The following APBB1 variants were observed in gnomAD, a reference collection of about 807,000 sequenced individuals.
APBB1 encodes adaptor protein FE65a2.
APBB1 carries 22 observed loss-of-function variants against 78.4 expected under a neutral mutation model. The ratio of observed to expected loss-of-function variants is 0.28; its 90% CI spans 0.20 to 0.40. The LOEUF (loss-of-function observed/expected upper bound fraction) is 0.40, where lower values mean the gene tolerates loss of function less well. APBB1 is among the 10% of genes least tolerant of loss of function. The pLI, the probability that APBB1 is intolerant of heterozygous loss-of-function variation, is 1.00. For missense variants in APBB1, 749 were observed against 932.4 expected (o/e 0.80, Z 2.56); for synonymous variants, 369 against 372.7 (o/e 0.99, Z 0.12).
At chr11:6,408,905 C>G (rs1328441439) in intron 2 of APBB1, among the ~76,000 whole-genome samples, 3 of 152,170 alleles carry the variant, frequency 2.0e-5, no homozygotes, top group African/African-American at 7.2e-5. Flanking sequence ...TTTCAAAATG[C>G]TGGGATTACA....
chr11:6,413,123 C>T (rs1012805123), intron 1 of APBB1, among the ~76,000 whole-genome samples: 9 of 152,040 alleles, frequency 5.9e-5, no homozygotes, highest in Non-Finnish European at 7.4e-5. Context: ...TCACCAGCCC[C>T]CGATTTCAGT....
In APBB1 at chr11:6,410,991, C is replaced by T. The variant is rs1398373693; in HGVS notation, c.357G>A (p.Glu119=). 1 of 1,614,088 alleles carries T rather than the reference C, an allele frequency of 6.2e-7. No homozygotes were observed. Among genetic ancestry groups the T allele is most frequent in the East Asian group, 2.2e-5 (1 of 44,894 alleles). Residue 119 remains glutamate (E), a synonymous_variant, in exon 2 of 15, where the codon GAG becomes GAA. Coordinates refer to ENST00000609360, the MANE Select transcript of APBB1 (RefSeq NM_001164.5). ...GPKGLIHLYS[E]LELSAHNAAN... is the part of the protein sequence containing the mutation. ...CTGCGTTGTGAGCTGAGAGCTCCAG[C>T]TCAGAGTACAGGTGTATCAGGCCTT...
intron 2 of APBB1, chr11:6,405,204 T>A: frequency 9.1e-7 from 1 of 1,096,840 alleles, no homozygotes; most frequent in East Asian, 6.4e-5. Flanking sequence ...CCCAGCTGCC[T>A]GGGGCCCTGC....
At position 6,401,059 on chromosome 11, in the gene APBB1, C is replaced by T. The variant is rs748954442; in HGVS notation, c.1602G>A (p.Ala534=). 146 of 1,613,982 alleles carry T rather than the reference C, an allele frequency of 9.0e-5. No homozygotes were observed. The highest frequency in any genetic ancestry group is 1.1e-4 in the Non-Finnish European group (125 of 1,180,026). ...VDVPFQVEFP[A]PKNELVQKFQ... is the part of the protein sequence containing the mutation. ...ACTTCTGGACCAACTCATTCTTAGG[C>T]GCTGGGAATTCCACTATGGGAAAGA... is the stretch of plus-strand genomic sequence containing the variant. Residue 534 remains alanine, a synonymous_variant, in exon 12 of 15, where the codon GCG becomes GCA. Coordinates refer to ENST00000609360, the MANE Select transcript of APBB1 (RefSeq NM_001164.5). The surrounding 1 kb of genome is among the most constrained non-coding windows in gnomAD (Gnocchi z 4.5).
At chr11:6,413,671 A>G (rs1849040674) in intron 1 of APBB1, among the ~76,000 whole-genome samples, 1 of 150,626 alleles carries the variant, frequency 6.6e-6, no homozygotes, top group Non-Finnish European at 1.5e-5. Flanking sequence ...GGGTTTCACC[A>G]TGTTGGCCAG....
At chr11:6,396,442 C>T (rs1175008536) in intron 12 of APBB1, 8 of 504,624 alleles carry the variant, frequency 1.6e-5, no homozygotes, top group African/African-American at 4.0e-5. Flanking sequence ...ATCCTAGGCT[C>T]GTTATTTTCA....
chr11:6,401,342 G>A lies in APBB1; in HGVS notation c.1588+3C>T. ...CTGGACCTGGAGGGGTTTTGACACT[G>A]ACCTTGGAAAGGGACATCCACAAGT... On this transcript the variant is annotated splice_donor_region_variant and intron_variant, in intron 11 of 14. Coordinates refer to ENST00000609360, the MANE Select transcript of APBB1 (RefSeq NM_001164.5). The surrounding 1 kb of genome is among the most constrained non-coding windows in gnomAD (Gnocchi z 4.5). The A allele has an allele frequency of 1.2e-6, 2 of 1,614,144 alleles. No individual in the cohort carries two copies. The highest frequency in any genetic ancestry group is 2.2e-5 in the South Asian group (2 of 91,066).
Position 6,403,504 on chromosome 11 carries a change from T to A in APBB1, c.938A>T (p.Asp313Val), listed in dbSNP as rs985220934. The A allele has an allele frequency of 1.8e-5, 29 of 1,614,038 alleles. No homozygotes were observed. Among genetic ancestry groups the A allele is most frequent in the Non-Finnish European group, 2.4e-5 (28 of 1,180,020 alleles). ...CTTACCCACCTTCCAAAATTCTCCATCCTCAAAGCCTTCTCCATGAGCAAA... is the reference window on the plus strand; with the variant it reads ...CTTACCCACCTTCCAAAATTCTCCAACCTCAAAGCCTTCTCCATGAGCAAA... ...TGFAHGEGFE[D>V]GEFWKDEPSD... is the part of the protein sequence containing the mutation. Residue 313 changes from aspartate (D) to valine (V), a missense_variant, in exon 4 of 15, where the codon GAT (aspartate) becomes GTT (valine). Transcript: ENST00000609360. This position sits in a 1 kb window ranked among gnomAD's most constrained non-coding sequence, Gnocchi z 5.3.
At chr11:6,396,453 C>T (rs150853796) in intron 12 of APBB1, 131 of 490,554 alleles carry the variant, frequency 2.7e-4, no homozygotes, top group African/African-American at 1.5e-3. Flanking sequence ...GTTATTTTCA[C>T]CGGCTCTGCC....
intron 12 of APBB1, among the ~76,000 whole-genome samples, chr11:6,397,704 T>C (rs539268841): frequency 1.3e-5 from 2 of 152,336 alleles, no homozygotes; most frequent in South Asian, 4.1e-4. Flanking sequence ...TAACGTCTTG[T>C]AACTGCTGGA....
intron 2 of APBB1, among the ~76,000 whole-genome samples, chr11:6,407,666 G>C (rs956593345): frequency 1.3e-5 from 2 of 152,150 alleles, no homozygotes; most frequent in South Asian, 2.1e-4. Context: ...TAATCAGCTG[G>C]AGTGCAGGAG....
In APBB1 at chr11:6,395,974, G is replaced by C; in HGVS notation, c.1789-12C>G. The C allele has an allele frequency of 6.2e-7, 1 of 1,612,252 alleles. No homozygotes were observed. The highest frequency in any genetic ancestry group is 8.5e-7 in the Non-Finnish European group (1 of 1,178,798). ...AGCACTGCCTCTGTCTGCATGGAGG[G>C]AACTCAGTTAAAAAGGAACACCAAC... is the stretch of plus-strand genomic sequence containing the variant. On this transcript the variant is annotated splice_polypyrimidine_tract_variant and intron_variant, in intron 13 of 14. Coordinates refer to ENST00000609360, the MANE Select transcript of APBB1 (RefSeq NM_001164.5). This position sits in a 1 kb window ranked among gnomAD's most constrained non-coding sequence, Gnocchi z 5.2.
rs369708995 is a variant in APBB1, at chr11:6,400,100, C to T, written c.1672+889G>A. ...ATTCCTGGTTTTTTTCTACCATAACCTTCTATAACCTCTAGGAAAATGGGA... is the reference window on the plus strand; with the variant it reads ...ATTCCTGGTTTTTTTCTACCATAACTTTCTATAACCTCTAGGAAAATGGGA... On this transcript the variant is annotated intron_variant, in intron 12 of 14. Transcript: ENST00000609360. Among the ~76,000 whole-genome samples, 117 of 152,162 alleles carry T rather than the reference C, an allele frequency of 7.7e-4. 2 individuals carry two copies. In the South Asian group the frequency reaches 0.024, roughly 31 times the overall value.
intron 2 of APBB1, among the ~76,000 whole-genome samples, chr11:6,408,507 C>CT (rs564293712): frequency 0.018 from 2,601 of 142,232 alleles, 58 homozygotes; most frequent in African/African-American, 0.058. Context: ...TTTTTTCCTT[C>CT]TTTTTTTTTT....
At chr11:6,414,549 G>T (rs1416870110) in intron 1 of APBB1, among the ~76,000 whole-genome samples, 1 of 152,200 alleles carries the variant, frequency 6.6e-6, no homozygotes, top group Non-Finnish European at 1.5e-5. Context: ...CTCAGAACTG[G>T]CTGGGAATAA....
At chr11:6,419,361 G>T (rs564966967), upstream of APBB1, 21 of 201,852 alleles carry the variant, frequency 1.0e-4, no homozygotes, top group South Asian at 3.8e-3. Flanking sequence ...GCGCCCCGCA[G>T]CGCCCTGGTC....
At chr11:6,405,441 C>A in intron 2 of APBB1, 4 of 987,164 alleles carry the variant, frequency 4.1e-6, no homozygotes, top group Non-Finnish European at 4.8e-6. Context: ...GCACCAGGAC[C>A]GGCTGGGAGC....
In APBB1 at chr11:6,403,112, C is replaced by A. The variant is rs1253262661; in HGVS notation, c.1104+33G>T. ...GGCTGTCTGACAAATAAGAGGGCCC[C>A]AGACTCAGAATGGGTGTCAGTCTTG... is the stretch of plus-strand genomic sequence containing the variant. On this transcript the variant is annotated intron_variant, in intron 6 of 14. Transcript: ENST00000609360. This position sits in a 1 kb window ranked among gnomAD's most constrained non-coding sequence, Gnocchi z 5.3. The A allele has an allele frequency of 1.3e-6, 2 of 1,580,888 alleles. No individual in the cohort carries two copies. Among genetic ancestry groups the A allele is most frequent in the Admixed American group, 3.6e-5 (2 of 55,342 alleles).
At chr11:6,407,239 A>G (rs1002622849) in intron 2 of APBB1, among the ~76,000 whole-genome samples, 8 of 152,072 alleles carry the variant, frequency 5.3e-5, no homozygotes, top group African/African-American at 1.9e-4. Context: ...TCAATTCACA[A>G]TGTCTCCACC....
Sources: gnomAD v4.1 joint callset for allele counts (sites outside exome capture counted in the v4.1 genomes callset) on GRCh38, gnomAD v4.1.1 for gene constraint, Gnocchi (gnomAD v3.1) non-coding constraint, MANE v1.5 for transcripts, NCBI Gene and HGNC (gene_info 2026-07-23, HGNC 2026-07-21) for gene names.